ZNF821: variants seen among roughly 807,000 people sequenced by gnomAD.
ZNF821 encodes zinc finger protein 821.
Under a neutral mutation model 44.3 loss-of-function variants are expected in ZNF821, and 16 were observed. That is an observed-to-expected ratio of 0.36 (90% CI 0.24 to 0.55). The LOEUF (loss-of-function observed/expected upper bound fraction) is 0.55. ZNF821 is among the 20% of genes least tolerant of loss of function. The pLI, the probability that ZNF821 is intolerant of heterozygous loss-of-function variation, is 0.86. For synonymous variants in ZNF821, 204 were observed against 197.6 expected, an observed-to-expected ratio of 1.03 and a Z score of -0.27; for missense variants, 436 against 547.6, an observed-to-expected ratio of 0.80 and a Z score of 2.03.
chr16:71,878,716 G>A (rs1333888470), intron 3 of ZNF821, among the ~76,000 whole-genome samples: 1 of 152,010 alleles, frequency 6.6e-6, no homozygotes, highest in Non-Finnish European at 1.5e-5. Flanking sequence ...GATCACCTGA[G>A]GTCAGGAGTT....
intron 5 of ZNF821, 95 bp downstream of exon 5, chr16:71,864,808 C>G: frequency 4.0e-6 from 6 of 1,514,262 alleles, no homozygotes; most frequent in Non-Finnish European, 5.4e-6. Context: ...AGGAGACCAT[C>G]AGAGGCAAGA....
Position 71,859,902 on chromosome 16 carries a change from C to A in ZNF821, c.*116G>T. ...AGGTCCACCTGCAATAAACCCAGGC[C>A]TGCCTCTGGCAGCAAGGACAGGGCC... On this transcript the variant is annotated 3_prime_UTR_variant, in exon 8 of 8. Coordinates refer to ENST00000425432, the MANE Select transcript of ZNF821 (RefSeq NM_001201552.2). 8.2e-7 allele frequency: 1 copy of A among 1,225,548 alleles called. No individual in the cohort carries two copies. Among genetic ancestry groups the A allele is most frequent in the Non-Finnish European group, 1.1e-6 (1 of 908,258 alleles). The allele number at this position is 1,225,548 out of a possible 1,614,324, so 75.9% of individuals were successfully genotyped here. A position where few individuals can be genotyped will look rare whatever the true frequency, so the allele number is the denominator to read the frequency against.
chr16:71,883,287 G>A lies in ZNF821; in HGVS notation c.-140-14C>T, dbSNP rs543788774. 2.2e-6 allele frequency: 1 copy of A among 446,410 alleles called. No homozygotes were observed. Among genetic ancestry groups the A allele is most frequent in the African/African-American group, 2.0e-5 (1 of 49,868 alleles). The allele number at this position is 446,410 out of a possible 1,614,324, so 27.7% of individuals were successfully genotyped here. On this transcript the variant is annotated splice_polypyrimidine_tract_variant and intron_variant, in intron 1 of 7. Coordinates refer to ENST00000425432, the MANE Select transcript of ZNF821 (RefSeq NM_001201552.2). ...AGTGATCTGTATCTGCCAAAAAGGA[G>A]AGGACAAGAAAGCTGGTCACTTAGC...
chr16:71,890,814 C>G (rs1400938012), intron 1 of ZNF821: 1 of 137,906 alleles, frequency 7.3e-6, no homozygotes, highest in Non-Finnish European at 1.5e-5. Context: ...CTCTGTCACC[C>G]AGGCTGGAGT....
At chr16:71,877,812 C>T (rs962207077) in intron 3 of ZNF821, among the ~76,000 whole-genome samples, 1 of 150,660 alleles carries the variant, frequency 6.6e-6, no homozygotes, top group Non-Finnish European at 1.5e-5. Flanking sequence ...CCCAGCTACT[C>T]GGGAGGCTGA....
intron 3 of ZNF821, among the ~76,000 whole-genome samples, chr16:71,872,799 G>A (rs555535119): frequency 6.6e-5 from 10 of 152,250 alleles, no homozygotes; most frequent in African/African-American, 2.4e-4. Context: ...AGCAAGTTGT[G>A]CTTTTTATAA....
At chr16:71,874,211 C>T (rs2035558462) in intron 3 of ZNF821, among the ~76,000 whole-genome samples, 2 of 151,980 alleles carry the variant, frequency 1.3e-5, no homozygotes, top group African/African-American at 4.8e-5. Context: ...ATCCACCCGC[C>T]TCGGCCTCCC....
intron 3 of ZNF821, among the ~76,000 whole-genome samples, chr16:71,874,577 C>A (rs991880691): frequency 4.6e-5 from 7 of 152,192 alleles, no homozygotes; most frequent in Admixed American, 1.3e-4. Context: ...CCTCAGCCCC[C>A]CAAGTAGCTA....
rs566169488 is a variant in ZNF821, at chr16:71,865,235, T to C, written c.167-187A>G. Among the ~76,000 whole-genome samples the C allele has an allele frequency of 1.4e-4, 22 of 152,354 alleles. No individual in the cohort carries two copies. In the East Asian group the frequency reaches 4.2e-3, roughly 29 times the overall value. ...ACTATAGCTGTCATTTGTTATGCCA[T>C]ATACACGTAAAGGGAAGATGTGAAG... On this transcript the variant is annotated intron_variant, in intron 4 of 7. Transcript: ENST00000425432.
upstream of ZNF821, among the ~76,000 whole-genome samples, chr16:71,889,116 G>A (rs541975092): frequency 2.6e-5 from 4 of 152,272 alleles, no homozygotes; most frequent in East Asian, 7.7e-4. Context: ...AGGCATGGTG[G>A]CATGTACCTG....
In ZNF821 at chr16:71,895,088, G is replaced by A. The variant is rs1478641070; in HGVS notation, n.249C>T. The A allele has an allele frequency of 3.0e-5, 12 of 398,182 alleles. 1 individual carries two copies. Among genetic ancestry groups the A allele is most frequent in the Non-Finnish European group, 5.5e-5 (12 of 217,586 alleles). The allele number at this position is 398,182 out of a possible 1,614,324, so 24.7% of individuals were successfully genotyped here. ...ATACGCAGGCTTCGAAACCCCCTCGGCCGCTCCACCCAGGGGGAAAGTCCA... is the reference window on the plus strand; with the variant it reads ...ATACGCAGGCTTCGAAACCCCCTCGACCGCTCCACCCAGGGGGAAAGTCCA... On this transcript the variant is annotated non_coding_transcript_exon_variant, in exon 1 of 3. Coordinates refer to the ZNF821 transcript ENST00000561700.
At chr16:71,873,480 T>C (rs370252354) in intron 3 of ZNF821, among the ~76,000 whole-genome samples, 13 of 152,230 alleles carry the variant, frequency 8.5e-5, no homozygotes, top group Middle Eastern at 3.4e-3. Flanking sequence ...TGAAGTGAAG[T>C]GGGCAAAATA....
rs1475500024 is a variant in ZNF821, at chr16:71,882,230, C to T, written c.-78+981G>A. 3 of 146,232 alleles carry T rather than the reference C, an allele frequency of 2.1e-5. No individual in the cohort carries two copies. In the East Asian group the frequency reaches 6.1e-4, roughly 29 times the overall value. The allele number at this position is 146,232 out of a possible 1,614,324, so 9.1% of individuals were successfully genotyped here. A position where few individuals can be genotyped will look rare whatever the true frequency, so the allele number is the denominator to read the frequency against. On this transcript the variant is annotated intron_variant, in intron 2 of 7. Transcript: ENST00000425432. Reference sequence around the variant, plus strand: ...GTTGCAGTGAGCCAAGAACGCACCACTGCACTCCAGCCTGGGCGACAGAAC... The same window carrying T: ...GTTGCAGTGAGCCAAGAACGCACCATTGCACTCCAGCCTGGGCGACAGAAC...
In ZNF821 at chr16:71,864,269, T is replaced by C. The variant is rs766639980; in HGVS notation, c.313-27A>G. On this transcript the variant is annotated intron_variant, in intron 5 of 7. Coordinates refer to ENST00000425432, the MANE Select transcript of ZNF821 (RefSeq NM_001201552.2). The stretch of plus-strand genomic sequence containing the variant: ...TGTGATTCAACAAATAGGCAACTCA[T>C]TAGGACTCTTTACTCATCTCTTCCC... 1.5e-5 allele frequency: 24 copies of C among 1,594,376 alleles called. 1 individual carries two copies. The South Asian group carries it at 2.2e-4, about 15-fold the overall frequency.
intron 4 of ZNF821, 126 bp downstream of exon 4, chr16:71,867,786 T>G: frequency 2.1e-5 from 28 of 1,315,000 alleles, no homozygotes; most frequent in Non-Finnish European, 2.8e-5. Flanking sequence ...TTGGGGACAC[T>G]GAGGATCCAC....
At chr16:71,881,368 G>T (rs2036407073) in intron 2 of ZNF821, 1 of 152,180 alleles carries the variant, frequency 6.6e-6, no homozygotes. Flanking sequence ...ACAGGAAGTG[G>T]CAAAGGAAGC....
rs1180312380 is a variant in ZNF821, at chr16:71,880,001, C to T, written c.-55G>A. The T allele has an allele frequency of 2.6e-6, 4 of 1,560,528 alleles. No individual in the cohort carries two copies. The highest frequency in any genetic ancestry group is 1.8e-6 in the Non-Finnish European group (2 of 1,138,596). On this transcript the variant is annotated 5_prime_UTR_variant, in exon 3 of 8. Coordinates refer to ENST00000425432, the MANE Select transcript of ZNF821 (RefSeq NM_001201552.2). ...CCCAGTTTCACGACTGGATATGTTA[C>T]TACCTCCTTGCAAGATGCTAACCTG...
chr16:71,891,959 GCACTC>G (rs752296643), intron 1 of ZNF821, among the ~76,000 whole-genome samples: 2 of 127,468 alleles, frequency 1.6e-5, no homozygotes, highest in East Asian at 5.3e-4. Flanking sequence ...TTGAGCCACT[GCACTC>G]CACCCTGGGC....
At position 71,860,219 on chromosome 16, in the gene ZNF821, C is replaced by A. The variant is rs750933121; in HGVS notation, c.1038G>T (p.Glu346Asp). ...TCCTCTTGAGCCGCTTGGCCTCTCG[C>A]TCTCGGATGAGCCGGGCCTGCCGCT... ...PEKRQARLIR[E>D]REAKRLKRRL... The change falls in exon 8 of 8, where the codon GAG becomes GAT. Residue 346 changes from glutamate to aspartate, a missense_variant. Glu to Asp is a conservative substitution (Grantham distance 45). This residue lies in a region of ZNF821 where 72 missense variants were observed against 133.3 expected (regional missense o/e 0.54). Coordinates refer to ENST00000425432, the MANE Select transcript of ZNF821 (RefSeq NM_001201552.2). This position sits in a 1 kb window ranked among gnomAD's most constrained non-coding sequence, Gnocchi z 7.3. The A allele has an allele frequency of 1.9e-6, 3 of 1,614,116 alleles. No homozygotes were observed. Among genetic ancestry groups the A allele is most frequent in the African/African-American group, 1.3e-5 (1 of 74,950 alleles).
Sources: allele counts gnomAD v4.1 joint callset (sites outside exome capture counted in the v4.1 genomes callset), GRCh38; gene constraint gnomAD v4.1.1; regional missense constraint gnomAD v4.1.1; non-coding constraint Gnocchi (gnomAD v3.1); transcripts MANE v1.5; gene names NCBI Gene and HGNC (gene_info 2026-07-23, HGNC 2026-07-21).